Variants in LARGE1 observed in about 807,000 individuals in gnomAD.
The protein encoded by LARGE1 is LARGE xylosyl- and glucuronyltransferase 1, also known as xylosyl- and glucuronyltransferase LARGE1.
A neutral mutation model predicts 87.6 loss-of-function variants in LARGE1; 43 were observed. The ratio of observed to expected loss-of-function variants is 0.49; its 90% confidence interval spans 0.38 to 0.63. The LOEUF (loss-of-function observed/expected upper bound fraction) is 0.63, where lower values mean the gene tolerates loss of function less well. Among genes scored for constraint, LARGE1 ranks in the 30% least tolerant of loss-of-function variants. The probability of loss-of-function intolerance (pLI) is 0.00; values close to 1 mark genes in which losing one functional copy is unlikely to be tolerated. For missense variants in LARGE1, 802 were observed against 1,000.2 expected (o/e 0.80, Z 2.67); for synonymous variants, 434 against 394.6 (o/e 1.10, Z -1.18).
At chr22:33,222,129 G>A (rs1925486367) in intron 11 of LARGE1, among the ~76,000 whole-genome samples, 2 of 152,106 alleles carry the variant, frequency 1.3e-5, no homozygotes, top group South Asian at 2.1e-4. Flanking sequence ...GGGTGACAAG[G>A]GAAGGACTCA....
intron 1 of LARGE1, among the ~76,000 whole-genome samples, chr22:33,885,207 T>TA (rs1457247889): frequency 1.2e-5 from 1 of 81,050 alleles, no homozygotes; most frequent in African/African-American, 4.0e-5. Context: ...CCACAGGCGA[T>TA]ACCATGCTTC....
At chr22:33,564,791 C>CT in intron 6 of LARGE1, 57 bp downstream of exon 6, 1 of 1,588,552 alleles carries the variant, frequency 6.3e-7, no homozygotes. Context: ...AACCCCTATT[C>CT]TTGGCATGCT....
intron 9 of LARGE1, among the ~76,000 whole-genome samples, chr22:33,347,152 T>A (rs1473469174): frequency 6.6e-6 from 1 of 152,248 alleles, no homozygotes; most frequent in African/African-American, 2.4e-5. Context: ...ATTCTCATTG[T>A]AAGCATTCCT....
At chr22:33,835,464 A>G (rs943117499) in intron 1 of LARGE1, among the ~76,000 whole-genome samples, 1 of 152,232 alleles carries the variant, frequency 6.6e-6, no homozygotes, top group Admixed American at 6.5e-5. Context: ...TAATTAATGC[A>G]TCGGATGGCA....
At chr22:33,413,651 G>A (rs2066388780) in intron 7 of LARGE1, among the ~76,000 whole-genome samples, 1 of 151,964 alleles carries the variant, frequency 6.6e-6, no homozygotes, top group Non-Finnish European at 1.5e-5. Context: ...ATTTTTAGTA[G>A]AGATGGGGTT....
the LARGE1 span, among the ~76,000 whole-genome samples, chr22:33,086,535 T>C: frequency 0.23 from 33,721 of 149,370 alleles, 4,300 homozygotes; most frequent in African/African-American, 0.34. Flanking sequence ...GGTGGCATAA[T>C]TGAAGTTCTT....
chr22:33,453,768 T>G (rs959281678), intron 6 of LARGE1, among the ~76,000 whole-genome samples: 4 of 152,170 alleles, frequency 2.6e-5, no homozygotes, highest in African/African-American at 9.7e-5. Context: ...CTATGATGGT[T>G]TTGCTTCCAC....
chr22:33,323,298 A>C (rs1485010361), intron 10 of LARGE1, among the ~76,000 whole-genome samples: 1 of 152,190 alleles, frequency 6.6e-6, no homozygotes, highest in Non-Finnish European at 1.5e-5. Context: ...ACCTTGATCC[A>C]CCTAATACTA....
intron 9 of LARGE1, among the ~76,000 whole-genome samples, chr22:33,343,294 A>AT (rs1939369830): frequency 6.6e-6 from 1 of 151,866 alleles, no homozygotes; most frequent in African/African-American, 2.4e-5. Context: ...AATTTTGTTT[A>AT]TTTTTTGTAG....
At chr22:33,103,044 C>G in the LARGE1 span, among the ~76,000 whole-genome samples, 1 of 152,100 alleles carries the variant, frequency 6.6e-6, no homozygotes, top group Non-Finnish European at 1.5e-5. Flanking sequence ...CCCCGCCCCG[C>G]CGGTGTAGAT....
At chr22:33,373,225 CAA>C (rs1440533158) in intron 9 of LARGE1, among the ~76,000 whole-genome samples, 1 of 152,112 alleles carries the variant, frequency 6.6e-6, no homozygotes, top group African/African-American at 2.4e-5. Context: ...TACACTAAAA[CAA>C]AACTAAAATT....
At chr22:33,842,205 G>A (rs777522447) in intron 1 of LARGE1, among the ~76,000 whole-genome samples, 1 of 152,134 alleles carries the variant, frequency 6.6e-6, no homozygotes, top group Admixed American at 6.5e-5. Flanking sequence ...GTAAAGCACC[G>A]AATCCTATTT....
intron 6 of LARGE1, among the ~76,000 whole-genome samples, chr22:33,439,054 A>G (rs2067374752): frequency 6.6e-6 from 1 of 152,002 alleles, no homozygotes; most frequent in South Asian, 2.1e-4. Context: ...TCTACTAAAA[A>G]TACAAAAAAA....
upstream of LARGE1, among the ~76,000 whole-genome samples, chr22:33,922,062 C>T (rs1412417692): frequency 6.6e-6 from 1 of 152,098 alleles, no homozygotes; most frequent in Non-Finnish European, 1.5e-5. Flanking sequence ...CCCTTCCCCC[C>T]GGGTCTCCAC....
At chr22:33,234,942 T>C (rs1173717969) in intron 11 of LARGE1, among the ~76,000 whole-genome samples, 2 of 152,320 alleles carry the variant, frequency 1.3e-5, no homozygotes, top group Non-Finnish European at 1.5e-5. Context: ...ATCAAATAAT[T>C]ACAAAAGCAC....
chr22:33,677,357 A>G (rs2081615221), intron 2 of LARGE1, among the ~76,000 whole-genome samples: 1 of 152,212 alleles, frequency 6.6e-6, no homozygotes, highest in Middle Eastern at 3.4e-3. Flanking sequence ...ACAGTTTAAC[A>G]TAAACACATA....
At chr22:33,564,817 A>G (rs2077973990) in intron 6 of LARGE1, 31 bp downstream of exon 6, 3 of 1,612,886 alleles carry the variant, frequency 1.9e-6, no homozygotes, top group East Asian at 4.5e-5. Context: ...CTACAAGGAT[A>G]TCGGGGAAAA....
intron 2 of LARGE1, among the ~76,000 whole-genome samples, chr22:33,663,829 T>C (rs1263528432): frequency 6.6e-6 from 1 of 152,228 alleles, no homozygotes; most frequent in Non-Finnish European, 1.5e-5. Context: ...AGTTCCTGAA[T>C]GCAGGGCTGG....
chr22:33,134,769 T>C, the LARGE1 span, among the ~76,000 whole-genome samples: 1 of 152,162 alleles, frequency 6.6e-6, no homozygotes, highest in Non-Finnish European at 1.5e-5. Flanking sequence ...GGGAATGTCA[T>C]CCTTCTCCTA....
Sources: gnomAD v4.1 joint callset for allele counts (sites outside exome capture counted in the v4.1 genomes callset) on GRCh38, gnomAD v4.1.1 for gene constraint, MANE v1.5 for transcripts, NCBI Gene and HGNC (gene_info 2026-07-23, HGNC 2026-07-21) for gene names.